Variants in C3orf20 observed in about 807,000 individuals in gnomAD.
C3orf20 encodes uncharacterized protein C3orf20.
C3orf20 carries 76 observed loss-of-function variants against 88.3 expected under a neutral mutation model. The ratio of observed to expected loss-of-function variants is 0.86; its 90% confidence interval spans 0.72 to 1.04. The LOEUF is 1.04. Ranked by LOEUF, C3orf20 falls within the 50% of genes least tolerant of loss-of-function variation. The pLI, the probability that C3orf20 is intolerant of heterozygous loss-of-function variation, is 0.00. For synonymous variants in C3orf20, 436 were observed against 437.4 expected, an observed-to-expected ratio of 1.00 and a Z score of 0.04; for missense variants, 1,056 against 1,123.3, an observed-to-expected ratio of 0.94 and a Z score of 0.86.
chr3:14,681,926 A>C (rs1013175270), intron 1 of C3orf20, among the ~76,000 whole-genome samples: 6 of 152,356 alleles, frequency 3.9e-5, no homozygotes, highest in African/African-American at 1.4e-4. Flanking sequence ...GGTAAACATT[A>C]CTGTAGTATT....
In C3orf20 at chr3:14,724,120, GA is replaced by G. The variant is rs566070263; in HGVS notation, c.1566+2341del. Among the ~76,000 whole-genome samples, 52 of 152,250 alleles carry G rather than the reference GA, an allele frequency of 3.4e-4. 1 individual carries two copies. The highest frequency in any genetic ancestry group is 3.3e-3 in the South Asian group (16 of 4,816). ...AGGCGTGAGCCACCGTGCCTGGCCA[GA>G]AAAAGCTATTGTTAAGTGATTAAGT... On this transcript the variant is annotated intron_variant, in intron 10 of 16. Transcript: ENST00000253697.
intron 5 of C3orf20, among the ~76,000 whole-genome samples, chr3:14,692,038 C>G (rs1019374854): frequency 4.6e-5 from 7 of 152,138 alleles, no homozygotes; most frequent in African/African-American, 1.7e-4. Flanking sequence ...ATAATGATCT[C>G]CAGTTTCATT....
intron 7 of C3orf20, among the ~76,000 whole-genome samples, chr3:14,712,201 C>T: frequency 6.6e-6 from 1 of 151,836 alleles, no homozygotes. Flanking sequence ...CACACACACA[C>T]ACACACACAC....
intron 15 of C3orf20, among the ~76,000 whole-genome samples, chr3:14,763,419 G>A (rs1031465338): frequency 5.3e-5 from 8 of 152,036 alleles, no homozygotes; most frequent in African/African-American, 1.4e-4. Context: ...TCTGGGGCCT[G>A]TTGTATAAGG....
intron 7 of C3orf20, among the ~76,000 whole-genome samples, chr3:14,713,595 C>T (rs1430740995): frequency 6.6e-6 from 1 of 152,200 alleles, no homozygotes; most frequent in Non-Finnish European, 1.5e-5. Flanking sequence ...TGGCTCTAGC[C>T]ACTTCCTTGT....
chr3:14,704,689 G>C (rs2033426686), intron 7 of C3orf20, 71 bp downstream of exon 7: 3 of 1,548,198 alleles, frequency 1.9e-6, no homozygotes, highest in African/African-American at 2.7e-5. Context: ...ACTTGATACA[G>C]CCTAAATGTT....
At chr3:14,757,323 C>A in intron 12 of C3orf20, 48 bp from the exon 13 acceptor site, 1 of 1,519,042 alleles carries the variant, frequency 6.6e-7, no homozygotes, top group African/African-American at 1.4e-5. Context: ...GAACCACAGA[C>A]CTTCACCACC....
intron 12 of C3orf20, among the ~76,000 whole-genome samples, chr3:14,738,147 A>G (rs6794952): frequency 0.014 from 2,065 of 148,620 alleles, 45 homozygotes; most frequent in African/African-American, 0.047. Flanking sequence ...TTGACCTCCC[A>G]TGAATCACAA....
chr3:14,762,339 G>A (rs1040215952), intron 15 of C3orf20, among the ~76,000 whole-genome samples: 1 of 152,210 alleles, frequency 6.6e-6, no homozygotes, highest in Non-Finnish European at 1.5e-5. Flanking sequence ...CCCAGCTCTC[G>A]TGAGATGATC....
intron 5 of C3orf20, among the ~76,000 whole-genome samples, chr3:14,696,344 C>T (rs1003936115): frequency 2.7e-5 from 4 of 148,744 alleles, no homozygotes; most frequent in African/African-American, 7.4e-5. Context: ...TCTTATTGTA[C>T]GATATCTTGA....
intron 11 of C3orf20, among the ~76,000 whole-genome samples, chr3:14,727,797 C>T (rs1421854980): frequency 1.3e-5 from 2 of 152,076 alleles, no homozygotes; most frequent in African/African-American, 4.8e-5. Context: ...GAAAGGATCC[C>T]ACAGCACTTT....
intron 10 of C3orf20, among the ~76,000 whole-genome samples, chr3:14,724,873 A>C (rs540575634): frequency 5.9e-5 from 9 of 152,332 alleles, no homozygotes; most frequent in African/African-American, 1.7e-4. Flanking sequence ...ATGGTTTGGC[A>C]GTGCAGTAGA....
intron 9 of C3orf20, among the ~76,000 whole-genome samples, chr3:14,718,881 G>A (rs1229485399): frequency 6.6e-6 from 1 of 152,190 alleles, no homozygotes; most frequent in East Asian, 1.9e-4. Flanking sequence ...ACAGAATTCT[G>A]GCCTCTCCTT....
chr3:14,762,170 C>G (rs2035582526), intron 15 of C3orf20, among the ~76,000 whole-genome samples: 1 of 152,194 alleles, frequency 6.6e-6, no homozygotes, highest in African/African-American at 2.4e-5. Context: ...TGGCTGGGCT[C>G]AAGTGATCCT....
chr3:14,688,239 T>C (rs1303151546), intron 4 of C3orf20, among the ~76,000 whole-genome samples: 4 of 152,192 alleles, frequency 2.6e-5, no homozygotes, highest in African/African-American at 9.6e-5. Context: ...TCTTTTAAAG[T>C]TGGGACCAGG....
rs1418721109 is a variant in C3orf20 at position 14,726,999 on chromosome 3, C to T, written c.1665C>T (p.Phe555=). Residue 555 remains phenylalanine, a synonymous_variant, in exon 11 of 17, where the codon TTC becomes TTT. Transcript: ENST00000253697. ...GGTTTCAGAAGACAGTGACTCAGTTCATTAATTCTATCTTGCTGGCCGCAG... is the reference window on the plus strand; with the variant it reads ...GGTTTCAGAAGACAGTGACTCAGTTTATTAATTCTATCTTGCTGGCCGCAG... ...KKRFQKTVTQ[F]INSILLAAGL... is the part of the protein sequence containing the mutation. 2 of 1,614,166 alleles carry T rather than the reference C, an allele frequency of 1.2e-6. No homozygotes were observed. Among genetic ancestry groups the T allele is most frequent in the Non-Finnish European group, 1.7e-6 (2 of 1,180,032 alleles).
chr3:14,752,270 G>A (rs2035241332), intron 12 of C3orf20, among the ~76,000 whole-genome samples: 1 of 152,200 alleles, frequency 6.6e-6, no homozygotes. Flanking sequence ...GGGAAAACTG[G>A]CTAGCCATAT....
At position 14,722,334 on chromosome 3, in the gene C3orf20, T is replaced by G. The variant is rs572685933; in HGVS notation, c.1566+550T>G. On this transcript the variant is annotated intron_variant, in intron 10 of 16. Coordinates refer to ENST00000253697, the MANE Select transcript of C3orf20 (RefSeq NM_032137.5). ...TATTAACTGCCCATGCGTGAAACATTCCCTGTGGCCAGGAGTATGTATTGC... is the reference window on the plus strand; with the variant it reads ...TATTAACTGCCCATGCGTGAAACATGCCCTGTGGCCAGGAGTATGTATTGC... 153 of 385,494 alleles carry G rather than the reference T, an allele frequency of 4.0e-4. 1 individual carries two copies. The highest frequency in any genetic ancestry group is 2.9e-3 in the South Asian group (152 of 53,060). The allele number at this position is 385,494 out of a possible 1,614,324, so 23.9% of individuals were successfully genotyped here.
intron 4 of C3orf20, among the ~76,000 whole-genome samples, chr3:14,685,466 C>CTCTT (rs773073181): frequency 9.3e-6 from 1 of 107,700 alleles, no homozygotes; most frequent in African/African-American, 3.9e-5. Flanking sequence ...CTGTTTCTCT[C>CTCTT]TCTCTCTCTC....
Sources: allele counts gnomAD v4.1 joint callset (sites outside exome capture counted in the v4.1 genomes callset), GRCh38; gene constraint gnomAD v4.1.1; transcripts MANE v1.5; gene names NCBI Gene and HGNC (gene_info 2026-07-23, HGNC 2026-07-21).